SEMA4C: variants seen among roughly 807,000 people sequenced by gnomAD.
SEMA4C encodes the protein semaphorin 4C, also known as semaphorin-4C.
A neutral mutation model predicts 89.0 loss-of-function variants in SEMA4C; 19 were observed. The observed-to-expected ratio is 0.21, with a 90% CI of 0.15 to 0.31. SEMA4C has a LOEUF of 0.31. SEMA4C is among the 10% of genes least tolerant of loss of function. SEMA4C has a pLI of 1.00. For synonymous variants in SEMA4C, 428 were observed against 472.7 expected, an observed-to-expected ratio of 0.91 and a Z score of 1.23; for missense variants, 811 against 1,107.0, an observed-to-expected ratio of 0.73 and a Z score of 3.79.
chr2:96,866,515 C>T, intron 2 of SEMA4C, 84 bp from the exon 3 acceptor site: 1 of 1,582,082 alleles, frequency 6.3e-7, no homozygotes, highest in African/African-American at 1.3e-5. Flanking sequence ...GCCAGCACCC[C>T]ATGCCACAAG....
intron 12 of SEMA4C, 54 bp downstream of exon 12, chr2:96,863,624 GGAGA>G: frequency 6.6e-7 from 1 of 1,511,012 alleles, no homozygotes; most frequent in Non-Finnish European, 9.2e-7. Flanking sequence ...GCAGCCAGAT[GGAGA>G]GAGTGAGATG....
In SEMA4C at chr2:96,861,972, A is replaced by AGGAGTCCAAGCTGTCCCCATGC; in HGVS notation, c.1444-79_1444-78insGCATGGGGACAGCTTGGACTCC. On this transcript the variant is annotated intron_variant, in intron 12 of 14. Coordinates refer to ENST00000305476, the MANE Select transcript of SEMA4C (RefSeq NM_017789.5). The surrounding 1 kb of genome is among the most constrained non-coding windows in gnomAD (Gnocchi z 7.8). ...AGGGGCGGCCGGACCAGAACGCAGC[A>AGGAGTCCAAGCTGTCCCCATGC]TGGGGACAGCTTGGACTCCTGCAGG... is the stretch of plus-strand genomic sequence containing the variant. The AGGAGTCCAAGCTGTCCCCATGC allele has an allele frequency of 6.7e-7, 1 of 1,486,694 alleles. No individual in the cohort carries two copies. 92.1% of individuals were successfully genotyped at this position (1,486,694 alleles called of 1,614,324 possible).
intron 1 of SEMA4C, chr2:96,868,516 C>T (rs2080132919): frequency 4.1e-6 from 4 of 987,552 alleles, no homozygotes; most frequent in Non-Finnish European, 4.8e-6. Flanking sequence ...TCCACATCAG[C>T]AGGGCAGGAG....
chr2:96,867,932 G>T lies in SEMA4C; in HGVS notation c.-37-9C>A. On this transcript the variant is annotated splice_polypyrimidine_tract_variant and intron_variant, in intron 1 of 14. Coordinates refer to ENST00000305476, the MANE Select transcript of SEMA4C (RefSeq NM_017789.5). ...GCTTCAGGCCAGCTGTCCTGCTGAGGGAAAAGACATGGTCAGAAATCACAG... is the reference window on the plus strand; with the variant it reads ...GCTTCAGGCCAGCTGTCCTGCTGAGTGAAAAGACATGGTCAGAAATCACAG... 6.2e-7 allele frequency: 1 copy of T among 1,612,752 alleles called. No individual in the cohort carries two copies. Among genetic ancestry groups the T allele is most frequent in the Non-Finnish European group, 8.5e-7 (1 of 1,179,870 alleles).
In SEMA4C at chr2:96,861,956, C is replaced by T. The variant is rs1298648287; in HGVS notation, c.1444-62G>A. The T allele has an allele frequency of 1.0e-5, 16 of 1,524,580 alleles. No homozygotes were observed. Among genetic ancestry groups the T allele is most frequent in the African/African-American group, 9.6e-5 (7 of 73,044 alleles). 94.4% of individuals were successfully genotyped at this position (1,524,580 alleles called of 1,614,324 possible). A position where few individuals can be genotyped will look rare whatever the true frequency, so the allele number is the denominator to read the frequency against. On this transcript the variant is annotated intron_variant, in intron 12 of 14. Coordinates refer to ENST00000305476, the MANE Select transcript of SEMA4C (RefSeq NM_017789.5). The surrounding 1 kb of genome is among the most constrained non-coding windows in gnomAD (Gnocchi z 7.8). ...AGGGCCACACCACGGGAGGGGCGGC[C>T]GGACCAGAACGCAGCATGGGGACAG... is the stretch of plus-strand genomic sequence containing the variant.
rs373626577 is a variant in SEMA4C, at chr2:96,863,544, A to G, written c.1443+138T>C. The G allele has an allele frequency of 6.4e-6, 8 of 1,246,270 alleles. No homozygotes were observed. In the African/African-American group the frequency reaches 7.5e-5, roughly 12 times the overall value. 77.2% of individuals were successfully genotyped at this position (1,246,270 alleles called of 1,614,324 possible). On this transcript the variant is annotated intron_variant, in intron 12 of 14. Coordinates refer to ENST00000305476, the MANE Select transcript of SEMA4C (RefSeq NM_017789.5). ...CCAGGAACCCACCCCAAGTTAGGCA[A>G]GGTGTGCATCCACATGTGTGTGTGT...
chr2:96,860,291 C>A lies in SEMA4C; in HGVS notation c.*335G>T, dbSNP rs1364756892. The A allele has an allele frequency of 3.2e-6, 1 of 309,698 alleles. No individual in the cohort carries two copies. Among genetic ancestry groups the A allele is most frequent in the African/African-American group, 2.2e-5 (1 of 46,448 alleles). The allele number at this position is 309,698 out of a possible 1,614,324, so 19.2% of individuals were successfully genotyped here. On this transcript the variant is annotated 3_prime_UTR_variant, in exon 15 of 15. Coordinates refer to ENST00000305476, the MANE Select transcript of SEMA4C (RefSeq NM_017789.5). ...TGCCACAAGCGCGCACGCGCGTGCA[C>A]ACACACATACACACACACACAAACA...
At chr2:96,863,620 AGAT>A in intron 12 of SEMA4C, 59 bp downstream of exon 12, 3 of 1,500,744 alleles carry the variant, frequency 2.0e-6, no homozygotes, top group Non-Finnish European at 2.8e-6. Context: ...AGAAGCAGCC[AGAT>A]GGAGAGAGTG....
intron 2 of SEMA4C, chr2:96,866,645 C>A (rs1177866716): frequency 1.4e-6 from 1 of 707,582 alleles, no homozygotes; most frequent in East Asian, 2.7e-5. Context: ...CAAATCCAGG[C>A]TGCTGGGAGG....
In SEMA4C at chr2:96,863,712, G is replaced by A. The variant is rs2080004631; in HGVS notation, c.1413C>T (p.Pro471=). Residue 471 remains proline, a synonymous_variant, in exon 12 of 15, where the codon CCC becomes CCT. Coordinates refer to ENST00000305476, the MANE Select transcript of SEMA4C (RefSeq NM_017789.5). ...TCTGAGATAGCACCAGGCTTCTCAT[G>A]GGCTCCTGGTCAAACAGCTGCAGCT... ...IEELQLFDQE[P]MRSLVLSQSK... is the part of the protein sequence containing the mutation. 6.2e-7 allele frequency: 1 copy of A among 1,613,932 alleles called. No homozygotes were observed. Among genetic ancestry groups the A allele is most frequent in the Non-Finnish European group, 8.5e-7 (1 of 1,179,974 alleles).
intron 2 of SEMA4C, 137 bp from the exon 3 acceptor site, chr2:96,866,568 T>C: frequency 8.0e-7 from 1 of 1,256,642 alleles, no homozygotes; most frequent in Non-Finnish European, 1.1e-6. Flanking sequence ...AAGGACACTT[T>C]TGAAACAGCC....
chr2:96,867,552 A>C (rs2080107451), intron 2 of SEMA4C, among the ~76,000 whole-genome samples: 1 of 152,170 alleles, frequency 6.6e-6, no homozygotes, highest in Non-Finnish European at 1.5e-5. Context: ...AGGGCGAGGC[A>C]GAAGGCTCTC....
rs1375894752 is a variant in SEMA4C at position 96,861,033 on chromosome 2, T to C, written c.2095A>G (p.Lys699Glu). ...RLREELEKGA[K>E]ATERTLVYPL... is the part of the protein sequence containing the mutation. ...TACACCAAGGTCCTCTCAGTAGCCT[T>C]GGCCCCTTTCTCCAGCTCTTCCCGC... Residue 699 changes from lysine to glutamate, a missense_variant, in exon 15 of 15, where the codon AAG becomes GAG. Physicochemically the swap from Lys to Glu is moderately conservative, Grantham distance 56 (BLOSUM62 1). Transcript: ENST00000305476. The surrounding 1 kb of genome is among the most constrained non-coding windows in gnomAD (Gnocchi z 7.8). 1 of 1,612,926 alleles carries C rather than the reference T, an allele frequency of 6.2e-7. No individual in the cohort carries two copies. The highest frequency in any genetic ancestry group is 1.7e-5 in the Admixed American group (1 of 60,028).
chr2:96,866,727 C>A (rs1261122525), intron 2 of SEMA4C: 3 of 520,066 alleles, frequency 5.8e-6, no homozygotes, highest in Non-Finnish European at 7.3e-6. Context: ...CTCTCAGGGT[C>A]AATGGCACCT....
intron 1 of SEMA4C, chr2:96,868,814 C>T: frequency 1.0e-6 from 1 of 985,348 alleles, no homozygotes; most frequent in Non-Finnish European, 1.2e-6. Flanking sequence ...ACGGCCGGCA[C>T]CCGCTGCGCT....
chr2:96,863,326 A>G, intron 12 of SEMA4C: 1 of 1,039,832 alleles, frequency 9.6e-7, no homozygotes, highest in Non-Finnish European at 1.2e-6. Context: ...TAAACATCTC[A>G]CAGCCTGGGA....
chr2:96,869,256 T>TC (rs1349868222), intron 1 of SEMA4C: 16 of 984,944 alleles, frequency 1.6e-5, no homozygotes, highest in Non-Finnish European at 1.8e-5. Flanking sequence ...CACCCGCAGC[T>TC]CCCCCCAGGG....
Position 96,864,774 on chromosome 2 carries a change from T to C in SEMA4C, c.893A>G (p.Gln298Arg), listed in dbSNP as rs2080030674. Residue 298 changes from glutamine to arginine, a missense_variant, in exon 9 of 15, where the codon CAG (glutamine) becomes CGG (arginine). Gln to Arg is a conservative substitution (Grantham distance 43). Around this residue, in one of 4 missense-constraint regions of SEMA4C, gnomAD observed 441 missense variants for 664.9 expected, o/e 0.66. Transcript: ENST00000305476. The surrounding 1 kb of genome is among the most constrained non-coding windows in gnomAD (Gnocchi z 6.3). ...PNWQLYFNQL[Q>R]AMHTLQDTSW... ...GGTGTCCTGCAGGGTGTGCATCGCC[T>C]GCAGCTGGTTGAAGTAGAGCTGCCA... The C allele has an allele frequency of 6.2e-7, 1 of 1,613,954 alleles. No individual in the cohort carries two copies. Among genetic ancestry groups the C allele is most frequent in the South Asian group, 1.1e-5 (1 of 91,092 alleles).
At position 96,861,932 on chromosome 2, in the gene SEMA4C, G is replaced by A. The variant is rs778607349; in HGVS notation, c.1444-38C>T. 16 of 1,571,350 alleles carry A rather than the reference G, an allele frequency of 1.0e-5. No homozygotes were observed. Among genetic ancestry groups the A allele is most frequent in the Non-Finnish European group, 1.4e-5 (16 of 1,159,746 alleles). On this transcript the variant is annotated intron_variant, in intron 12 of 14. Coordinates refer to ENST00000305476, the MANE Select transcript of SEMA4C (RefSeq NM_017789.5). This position sits in a 1 kb window ranked among gnomAD's most constrained non-coding sequence, Gnocchi z 7.8. ...CGGGGCGCAGGAGGGGGGTCGGCCA[G>A]GGCCACACCACGGGAGGGGCGGCCG...
Sources: gnomAD v4.1 joint callset for allele counts (sites outside exome capture counted in the v4.1 genomes callset) on GRCh38, gnomAD v4.1.1 for gene constraint, gnomAD v4.1.1 regional missense constraint, Gnocchi (gnomAD v3.1) non-coding constraint, MANE v1.5 for transcripts, NCBI Gene and HGNC (gene_info 2026-07-23, HGNC 2026-07-21) for gene names.